Variants in TTC12 observed in about 807,000 individuals in gnomAD.
The protein encoded by TTC12 is tetratricopeptide repeat domain 12.
Under a neutral mutation model 90.1 loss-of-function variants are expected in TTC12, and 70 were observed. The observed-to-expected ratio is 0.78, with a 90% CI of 0.64 to 0.95. The LOEUF (loss-of-function observed/expected upper bound fraction) is 0.95. Ranked by LOEUF, TTC12 falls within the 40% of genes least tolerant of loss-of-function variation. The pLI is 0.00. For missense variants in TTC12, 819 were observed against 846.1 expected (o/e 0.97, Z 0.40); for synonymous variants, 296 against 311.5 (o/e 0.95, Z 0.53).
chr11:113,361,576 ATC>A (rs5794859), intron 18 of TTC12, among the ~76,000 whole-genome samples: 31,139 of 152,112 alleles, frequency 0.2, 3,650 homozygotes, highest in East Asian at 0.47. Flanking sequence ...GCTGGCAGGC[ATC>A]TATCCTCCAG....
At chr11:113,326,114 G>A (rs552459431) in intron 6 of TTC12, among the ~76,000 whole-genome samples, 73 of 152,196 alleles carry the variant, frequency 4.8e-4, no homozygotes, top group African/African-American at 1.5e-3. Context: ...AAGATTCTGC[G>A]ACAGGGATAA....
At chr11:113,351,333 GAC>G (rs1949281969) in intron 15 of TTC12, 34 bp downstream of exon 15, 1 of 1,586,998 alleles carries the variant, frequency 6.3e-7, no homozygotes, top group Admixed American at 1.7e-5. Context: ...CTCTGTAACA[GAC>G]ACTCTCAGGA....
intron 15 of TTC12, among the ~76,000 whole-genome samples, chr11:113,351,821 G>A (rs1949311524): frequency 6.6e-6 from 1 of 152,200 alleles, no homozygotes; most frequent in African/African-American, 2.4e-5. Context: ...GAGAAGGGAA[G>A]GGATTTGCCC....
intron 9 of TTC12, 54 bp downstream of exon 9, chr11:113,338,888 C>T (rs955956796): frequency 6.5e-7 from 1 of 1,535,592 alleles, no homozygotes. Context: ...CCTCTGCCCC[C>T]TGCCTTAGAA....
intron 14 of TTC12, 63 bp from the exon 15 acceptor site, chr11:113,351,176 A>G (rs545000711): frequency 1.4e-6 from 2 of 1,458,708 alleles, no homozygotes; most frequent in East Asian, 2.3e-5. Context: ...TATCTGAGAC[A>G]CTGTATTTAT....
At chr11:113,346,981 T>C (rs1949005992) in intron 13 of TTC12, among the ~76,000 whole-genome samples, 1 of 152,034 alleles carries the variant, frequency 6.6e-6, no homozygotes, top group Non-Finnish European at 1.5e-5. Context: ...AAAGAGGGTA[T>C]GTGAGGAAAT....
At chr11:113,330,081 A>G in intron 7 of TTC12, 102 bp downstream of exon 7, 2 of 899,942 alleles carry the variant, frequency 2.2e-6, no homozygotes, top group Non-Finnish European at 1.9e-6. Flanking sequence ...CTCTGTAGCC[A>G]GAGCTTCAGT....
chr11:113,354,868 G>C (rs1555151841), intron 16 of TTC12, among the ~76,000 whole-genome samples: 1 of 152,008 alleles, frequency 6.6e-6, no homozygotes, highest in Non-Finnish European at 1.5e-5. Flanking sequence ...CCAGTATTTT[G>C]TTGAGGATAT....
intron 16 of TTC12, among the ~76,000 whole-genome samples, chr11:113,353,387 T>C (rs540802663): frequency 1.3e-5 from 2 of 152,308 alleles, no homozygotes; most frequent in South Asian, 4.1e-4. Context: ...AGATGCATAG[T>C]TTGCAAAAAC....
intron 5 of TTC12, 86 bp downstream of exon 5, chr11:113,324,768 C>A: frequency 1.7e-6 from 2 of 1,188,750 alleles, no homozygotes; most frequent in Non-Finnish European, 2.4e-6. Context: ...CATTTGAGGA[C>A]ATCTAGATTC....
chr11:113,370,137 C>G (rs1950342988), downstream of TTC12, among the ~76,000 whole-genome samples: 1 of 152,192 alleles, frequency 6.6e-6, no homozygotes, highest in Admixed American at 6.5e-5. Context: ...TTGTCAGGGC[C>G]TGGGGCCAGG....
chr11:113,372,437 G>A (rs1950410242), intron 21 of TTC12, among the ~76,000 whole-genome samples: 1 of 152,190 alleles, frequency 6.6e-6, no homozygotes, highest in African/African-American at 2.4e-5. Flanking sequence ...CTGTCTACAA[G>A]ATAAAGGGCA....
intron 7 of TTC12, among the ~76,000 whole-genome samples, chr11:113,332,046 CT>C (rs1467645054): frequency 6.6e-6 from 1 of 152,190 alleles, no homozygotes; most frequent in African/African-American, 2.4e-5. Flanking sequence ...CCAATTTAAT[CT>C]TTTTGGACAC....
chr11:113,352,930 T>A (rs1483714013), intron 16 of TTC12, among the ~76,000 whole-genome samples: 2 of 152,226 alleles, frequency 1.3e-5, no homozygotes, highest in Non-Finnish European at 2.9e-5. Context: ...GCATGTGTCC[T>A]TATAATAAAA....
intron 7 of TTC12, among the ~76,000 whole-genome samples, chr11:113,330,392 C>T (rs1454917971): frequency 6.6e-6 from 1 of 152,164 alleles, no homozygotes; most frequent in African/African-American, 2.4e-5. Flanking sequence ...ATAACATCCT[C>T]TATTTGTAGA....
At chr11:113,347,253 C>A (rs190705876) in intron 13 of TTC12, among the ~76,000 whole-genome samples, 2 of 152,240 alleles carry the variant, frequency 1.3e-5, no homozygotes, top group African/African-American at 4.8e-5. Flanking sequence ...GAATCCATTC[C>A]TGAAGATGTT....
rs1950061640 is a variant in TTC12, at chr11:113,363,745, C to T, written c.1717-83C>T. Reference sequence around the variant, plus strand: ...TTCAGAGTTTAGGAAGCCACTAGCGCTATAATAACTGCTTGCTGTGGTTTG... The same window carrying T: ...TTCAGAGTTTAGGAAGCCACTAGCGTTATAATAACTGCTTGCTGTGGTTTG... On this transcript the variant is annotated intron_variant, in intron 19 of 21. Transcript: ENST00000529221. 7.6e-6 allele frequency: 7 copies of T among 925,716 alleles called. No individual in the cohort carries two copies. The East Asian group carries it at 1.8e-4, about 23-fold the overall frequency. 57.3% of individuals were successfully genotyped at this position (925,716 alleles called of 1,614,324 possible). A position where few individuals can be genotyped will look rare whatever the true frequency, so the allele number is the denominator to read the frequency against.
At chr11:113,334,748 G>C (rs138846429) in intron 7 of TTC12, among the ~76,000 whole-genome samples, 1 of 152,030 alleles carries the variant, frequency 6.6e-6, no homozygotes, top group East Asian at 1.9e-4. Flanking sequence ...AAACTGGCAG[G>C]TATCATTAAT....
chr11:113,339,671 G>T (rs782586156), intron 10 of TTC12, 197 bp downstream of exon 10: 7 of 526,282 alleles, frequency 1.3e-5, no homozygotes, highest in Non-Finnish European at 2.0e-5. Context: ...CAGAGCATGC[G>T]TACACTCAGC....
Sources: gnomAD v4.1 joint callset for allele counts (sites outside exome capture counted in the v4.1 genomes callset) on GRCh38, gnomAD v4.1.1 for gene constraint, MANE v1.5 for transcripts, NCBI Gene and HGNC (gene_info 2026-07-23, HGNC 2026-07-21) for gene names.